The following FHIT variants were observed in gnomAD, a reference collection of about 807,000 sequenced individuals.
FHIT encodes the protein fragile histidine triad diadenosine triphosphatase.
Under a neutral mutation model 17.9 loss-of-function variants are expected in FHIT, and 19 were observed. That is an observed-to-expected ratio of 1.06 (90% confidence interval 0.74 to 1.56). The LOEUF (loss-of-function observed/expected upper bound fraction) is 1.56. Among genes scored for constraint, FHIT ranks in the 40% most tolerant of loss-of-function variants. FHIT has a pLI of 0.00. For synonymous variants in FHIT, 81 were observed against 69.7 expected, an observed-to-expected ratio of 1.16 and a Z score of -0.81; for missense variants, 248 against 189.2, an observed-to-expected ratio of 1.31 and a Z score of -1.82.
chr3:60,517,414 A>T (rs1013722475), intron 5 of FHIT, among the ~76,000 whole-genome samples: 4 of 144,390 alleles, frequency 2.8e-5, no homozygotes, highest in African/African-American at 1.1e-4. Context: ...TCTTTTAGAT[A>T]GCATCGGAAT....
At chr3:60,004,508 G>A (rs1470324864) in intron 7 of FHIT, among the ~76,000 whole-genome samples, 1 of 152,014 alleles carries the variant, frequency 6.6e-6, no homozygotes, top group African/African-American at 2.4e-5. Context: ...ATTGTCCTCT[G>A]GATATTTTTA....
intron 5 of FHIT, among the ~76,000 whole-genome samples, chr3:60,015,784 G>A (rs780010009): frequency 2.6e-5 from 4 of 152,164 alleles, no homozygotes; most frequent in Non-Finnish European, 5.9e-5. Context: ...GTGAAAACTG[G>A]TGGAATAAAT....
intron 5 of FHIT, among the ~76,000 whole-genome samples, chr3:60,167,592 T>C (rs1050601304): frequency 2.6e-5 from 4 of 152,114 alleles, no homozygotes; most frequent in African/African-American, 9.7e-5. Flanking sequence ...TAGTGAATGA[T>C]TAGAGGGCAA....
intron 4 of FHIT, among the ~76,000 whole-genome samples, chr3:60,559,961 G>A (rs1425712530): frequency 6.6e-6 from 1 of 152,124 alleles, no homozygotes; most frequent in Non-Finnish European, 1.5e-5. Context: ...AGGCTGTTGG[G>A]GAAAGGCCAG....
intron 8 of FHIT, among the ~76,000 whole-genome samples, chr3:59,791,282 A>G (rs1843399): frequency 0.7 from 106,946 of 151,908 alleles, 38,963 homozygotes; most frequent in Middle Eastern, 0.82. Flanking sequence ...TTGGGCCAGC[A>G]TGGTCTGTGC....
intron 3 of FHIT, among the ~76,000 whole-genome samples, chr3:60,962,940 G>T (rs76532257): frequency 2.6e-5 from 4 of 152,152 alleles, no homozygotes; most frequent in Admixed American, 6.5e-5. Context: ...AATGCTGGCC[G>T]CATAAAATGA....
chr3:60,267,925 A>G (rs879808638), intron 5 of FHIT, among the ~76,000 whole-genome samples: 2 of 152,200 alleles, frequency 1.3e-5, no homozygotes, highest in Non-Finnish European at 2.9e-5. Context: ...GACATTTTTA[A>G]AAGTGCTAAA....
chr3:60,949,904 T>C (rs759040039), intron 3 of FHIT, among the ~76,000 whole-genome samples: 1 of 152,172 alleles, frequency 6.6e-6, no homozygotes, highest in Non-Finnish European at 1.5e-5. Context: ...AAAAGAAGAC[T>C]GTTCAAATTA....
intron 5 of FHIT, among the ~76,000 whole-genome samples, chr3:60,296,503 C>G (rs1332159962): frequency 6.6e-6 from 1 of 151,896 alleles, no homozygotes; most frequent in Non-Finnish European, 1.5e-5. Flanking sequence ...AATGGTTTGT[C>G]TTTTTTGTTG....
chr3:60,464,211 T>C (rs1007033834), intron 5 of FHIT, among the ~76,000 whole-genome samples: 3 of 152,156 alleles, frequency 2.0e-5, no homozygotes, highest in African/African-American at 4.8e-5. Context: ...CCTGCATTCA[T>C]TTTTTTAAAA....
At chr3:60,399,576 A>T (rs1701582591) in intron 5 of FHIT, among the ~76,000 whole-genome samples, 1 of 152,174 alleles carries the variant, frequency 6.6e-6, no homozygotes, top group Non-Finnish European at 1.5e-5. Context: ...TAACAATCAC[A>T]TACACAATGA....
chr3:60,226,689 G>A (rs1309885241), intron 5 of FHIT, among the ~76,000 whole-genome samples: 1 of 152,134 alleles, frequency 6.6e-6, no homozygotes, highest in Non-Finnish European at 1.5e-5. Flanking sequence ...TATAGAGGAA[G>A]GAGGGAGAAT....
chr3:61,006,201 A>G (rs1234796292), intron 3 of FHIT, among the ~76,000 whole-genome samples: 5 of 152,232 alleles, frequency 3.3e-5, no homozygotes, highest in Non-Finnish European at 7.3e-5. Flanking sequence ...TATAATTTCA[A>G]TTTTGAACCT....
intron 5 of FHIT, among the ~76,000 whole-genome samples, chr3:60,472,758 A>G (rs1287499564): frequency 4.6e-5 from 7 of 152,316 alleles, no homozygotes; most frequent in Admixed American, 1.3e-4. Context: ...TAATCCTTAA[A>G]GAACTTCTGA....
chr3:60,611,125 A>C (rs2038772659), intron 4 of FHIT, among the ~76,000 whole-genome samples: 1 of 152,114 alleles, frequency 6.6e-6, no homozygotes, highest in Non-Finnish European at 1.5e-5. Flanking sequence ...GGCTCATCTC[A>C]TAGTTGTCTT....
chr3:60,990,474 G>T (rs2030087173), intron 3 of FHIT, among the ~76,000 whole-genome samples: 1 of 152,166 alleles, frequency 6.6e-6, no homozygotes, highest in Non-Finnish European at 1.5e-5. Flanking sequence ...CTTTCCTTGT[G>T]ACATTTCTTA....
At chr3:61,126,807 C>T (rs1029074054) in intron 2 of FHIT, among the ~76,000 whole-genome samples, 7 of 152,006 alleles carry the variant, frequency 4.6e-5, no homozygotes, top group African/African-American at 1.7e-4. Context: ...GAGGTTCCAA[C>T]TTGAATGGTG....
chr3:60,105,661 A>G (rs1469744855), intron 5 of FHIT, among the ~76,000 whole-genome samples: 1 of 152,188 alleles, frequency 6.6e-6, no homozygotes, highest in African/African-American at 2.4e-5. Flanking sequence ...TTGCTCTGCC[A>G]TGTATAATTA....
At chr3:60,076,372 G>C (rs887200629) in intron 5 of FHIT, among the ~76,000 whole-genome samples, 1 of 152,072 alleles carries the variant, frequency 6.6e-6, no homozygotes, top group Non-Finnish European at 1.5e-5. Flanking sequence ...ACTCAGAAAA[G>C]CCTATTTCTC....
Sources: allele counts gnomAD v4.1 joint callset (sites outside exome capture counted in the v4.1 genomes callset), GRCh38; gene constraint gnomAD v4.1.1; transcripts MANE v1.5; gene names NCBI Gene and HGNC (gene_info 2026-07-23, HGNC 2026-07-21).